Variants in TAF4B observed in about 807,000 individuals in gnomAD.
TAF4B encodes TATA-box binding protein associated factor 4b.
Under a neutral mutation model 86.4 loss-of-function variants are expected in TAF4B, and 38 were observed. The ratio of observed to expected loss-of-function variants is 0.44; its 90% CI spans 0.34 to 0.58. The LOEUF (loss-of-function observed/expected upper bound fraction) is 0.58, where lower values mean the gene tolerates loss of function less well. Ranked by LOEUF, TAF4B falls within the 20% of genes least tolerant of loss-of-function variation. TAF4B has a pLI of 0.02. For synonymous variants in TAF4B, 388 were observed against 391.2 expected, an observed-to-expected ratio of 0.99 and a Z score of 0.10; for missense variants, 988 against 1,027.6, an observed-to-expected ratio of 0.96 and a Z score of 0.53.
Position 26,286,273 on chromosome 18 carries a change from C to T in TAF4B, c.1364C>T (p.Pro455Leu), listed in dbSNP as rs941757208. Residue 455 changes from proline to leucine, a missense_variant, in exon 7 of 15, where the codon CCA (proline) becomes CTA (leucine). Coordinates refer to ENST00000269142, the MANE Select transcript of TAF4B (RefSeq NM_005640.3). ...VTTVSLQPEK[P>L]VVSGTAVTLS... ...ACGGTCTCACTGCAACCTGAAAAGC[C>T]AGTTGTCTCTGGAACAGCAGTAACA... 1.2e-6 allele frequency: 2 copies of T among 1,614,246 alleles called. No individual in the cohort carries two copies. Among genetic ancestry groups the T allele is most frequent in the Admixed American group, 1.7e-5 (1 of 60,034 alleles).
chr18:26,232,067 G>A (rs1162356123), intron 1 of TAF4B, among the ~76,000 whole-genome samples: 2 of 152,116 alleles, frequency 1.3e-5, no homozygotes, highest in Admixed American at 6.5e-5. Flanking sequence ...GCTGGTTGGT[G>A]CATTTTAGAA....
intron 3 of TAF4B, among the ~76,000 whole-genome samples, chr18:26,273,819 A>G (rs2056350144): frequency 6.6e-6 from 1 of 152,226 alleles, no homozygotes; most frequent in African/African-American, 2.4e-5. Flanking sequence ...AATTTTCTTG[A>G]AGGTGATTGC....
intron 13 of TAF4B, among the ~76,000 whole-genome samples, chr18:26,343,917 C>T (rs1216488304): frequency 6.6e-6 from 1 of 152,168 alleles, no homozygotes. Flanking sequence ...AATATCTTAA[C>T]TCCCATAGGA....
At chr18:26,322,203 G>A (rs2056968642) in intron 11 of TAF4B, among the ~76,000 whole-genome samples, 1 of 152,096 alleles carries the variant, frequency 6.6e-6, no homozygotes, top group Middle Eastern at 3.2e-3. Flanking sequence ...CTAGTCAAAG[G>A]TTAAAGGAAA....
chr18:26,314,093 C>CT (rs1384623153), intron 9 of TAF4B, among the ~76,000 whole-genome samples: 1 of 152,062 alleles, frequency 6.6e-6, no homozygotes, highest in Non-Finnish European at 1.5e-5. Context: ...GCATTTTACA[C>CT]TTTATTTCCT....
chr18:26,256,363 C>T (rs1297052292), intron 1 of TAF4B: 2 of 1,432,556 alleles, frequency 1.4e-6, no homozygotes, highest in East Asian at 2.3e-5. Flanking sequence ...AACATCTTTT[C>T]TTCTGGGCAA....
At chr18:26,257,842 C>CGT (rs57275139) in intron 1 of TAF4B, among the ~76,000 whole-genome samples, 14,610 of 141,252 alleles carry the variant, frequency 0.1, 926 homozygotes, top group East Asian at 0.3. Flanking sequence ...CCTCTGCGTG[C>CGT]GTGTGTGTGT....
intron 9 of TAF4B, among the ~76,000 whole-genome samples, chr18:26,295,856 C>G (rs2056656062): frequency 6.6e-6 from 1 of 151,958 alleles, no homozygotes; most frequent in Non-Finnish European, 1.5e-5. Context: ...TAGTTTTGCC[C>G]TAGAATATGT....
In TAF4B at chr18:26,369,241, G is replaced by A. The variant is rs77385277; in HGVS notation, c.2421+11447G>A. On this transcript the variant is annotated intron_variant, in intron 14 of 14. Transcript: ENST00000269142. ...GAAACTAAAAAAAAGGGAAAAGAAA[G>A]GAAATGGAATATTTTGCAACCGTTA... Among the ~76,000 whole-genome samples, 111 of 152,198 alleles carry A rather than the reference G, an allele frequency of 7.3e-4. 1 individual carries two copies. The East Asian group carries it at 0.012, about 16-fold the overall frequency.
intron 13 of TAF4B, among the ~76,000 whole-genome samples, chr18:26,346,887 ATATATATATATATGTGTGTG>A (rs1387667232): frequency 0.1 from 1,315 of 12,810 alleles, 240 homozygotes; most frequent in African/African-American, 0.16. Flanking sequence ...GTATATATAT[ATATATATATATATGTGTGTG>A]TATATATATA....
rs201481279 is a variant in TAF4B at position 26,327,174 on chromosome 18, C to A, written c.2259+34C>A. The A allele has an allele frequency of 2.5e-6, 4 of 1,599,750 alleles. No homozygotes were observed. The East Asian group carries it at 6.7e-5, about 27-fold the overall frequency. On this transcript the variant is annotated intron_variant, in intron 12 of 14. Transcript: ENST00000269142. ...CAGTGTGATTTATGAGTGAATGTGG[C>A]CTGGCAGTGTGGTCAGAGGTGGCTT...
chr18:26,282,117 T>C, intron 6 of TAF4B, 57 bp downstream of exon 6: 1 of 1,353,814 alleles, frequency 7.4e-7, no homozygotes. Context: ...CTAAAATAAT[T>C]AAAAATGGGA....
At chr18:26,240,893 A>AT (rs1275150136) in intron 1 of TAF4B, among the ~76,000 whole-genome samples, 5 of 152,058 alleles carry the variant, frequency 3.3e-5, no homozygotes, top group African/African-American at 1.2e-4. Flanking sequence ...ACGTTTATTG[A>AT]TTTTCATATG....
chr18:26,295,620 CGGACTGCT>C (rs1568135030), intron 9 of TAF4B, among the ~76,000 whole-genome samples: 2 of 152,214 alleles, frequency 1.3e-5, no homozygotes, highest in African/African-American at 4.8e-5. Context: ...TAACAGGCTA[CGGACTGCT>C]ACCGGTACAT....
intron 14 of TAF4B, among the ~76,000 whole-genome samples, chr18:26,362,985 C>T (rs1293999495): frequency 6.6e-6 from 1 of 151,980 alleles, no homozygotes; most frequent in East Asian, 1.9e-4. Flanking sequence ...TATAAGTAAT[C>T]CAGAGGTGAT....
intron 13 of TAF4B, among the ~76,000 whole-genome samples, chr18:26,339,698 A>G (rs985261432): frequency 2.0e-5 from 3 of 152,348 alleles, no homozygotes; most frequent in African/African-American, 7.2e-5. Flanking sequence ...ATCTTTATTT[A>G]ATGCAGCTGC....
chr18:26,276,536 A>G (rs1432027977), intron 5 of TAF4B, among the ~76,000 whole-genome samples: 2 of 152,224 alleles, frequency 1.3e-5, no homozygotes, highest in Non-Finnish European at 2.9e-5. Context: ...AGCAAAAACA[A>G]GCATAGTTTA....
chr18:26,281,714 T>C (rs1478287), intron 5 of TAF4B, among the ~76,000 whole-genome samples: 142,868 of 152,018 alleles, frequency 0.94, 67,336 homozygotes, highest in East Asian at 0.99. Flanking sequence ...TAGTATTACT[T>C]AACCCATCAG....
At chr18:26,355,435 C>T (rs2057281014) in intron 13 of TAF4B, among the ~76,000 whole-genome samples, 1 of 152,124 alleles carries the variant, frequency 6.6e-6, no homozygotes, top group African/African-American at 2.4e-5. Context: ...CATTAATGCT[C>T]AGAACTTCCT....
Sources: allele counts gnomAD v4.1 joint callset (sites outside exome capture counted in the v4.1 genomes callset), GRCh38; gene constraint gnomAD v4.1.1; transcripts MANE v1.5; gene names NCBI Gene and HGNC (gene_info 2026-07-23, HGNC 2026-07-21).